The following SFSWAP variants were observed in gnomAD, a reference collection of about 807,000 sequenced individuals.
The protein encoded by SFSWAP is splicing factor SWAP.
In SFSWAP, 17 loss-of-function variants were observed where a neutral mutation model predicts 100.7. The ratio of observed to expected loss-of-function variants is 0.17; its 90% CI spans 0.12 to 0.25. The LOEUF (loss-of-function observed/expected upper bound fraction) is 0.25, where lower values mean the gene tolerates loss of function less well. Among genes scored for constraint, SFSWAP ranks in the 10% least tolerant of loss-of-function variants. The pLI, the probability that SFSWAP is intolerant of heterozygous loss-of-function variation, is 1.00. For missense variants in SFSWAP, 1,005 were observed against 1,262.6 expected (o/e 0.80, Z 3.09); for synonymous variants, 504 against 510.1 (o/e 0.99, Z 0.16).
intron 13 of SFSWAP, among the ~76,000 whole-genome samples, chr12:131,777,281 AT>A (rs1373340399): frequency 6.6e-6 from 1 of 152,066 alleles, no homozygotes; most frequent in African/African-American, 2.4e-5. Flanking sequence ...TCCTAATGCT[AT>A]CCCTCCCCGC....
Position 131,734,673 on chromosome 12 carries a change from C to A in SFSWAP, c.1081+6245C>A, listed in dbSNP as rs1879831212. Among the ~76,000 whole-genome samples, 1 of 152,226 alleles carries A rather than the reference C, an allele frequency of 6.6e-6. No homozygotes were observed. Among genetic ancestry groups the A allele is most frequent in the Non-Finnish European group, 1.5e-5 (1 of 68,042 alleles). On this transcript the variant is annotated intron_variant, in intron 7 of 17. Coordinates refer to ENST00000261674, the MANE Select transcript of SFSWAP (RefSeq NM_004592.4). This position sits in a 1 kb window ranked among gnomAD's most constrained non-coding sequence, Gnocchi z 4.9. The stretch of plus-strand genomic sequence containing the variant: ...GGGCCACGGGGCTCCCAGGAACATT[C>A]ACCGAGTAACTTCAGAAAAGTGAAG...
rs1441863628 is a variant in SFSWAP at position 131,778,219 on chromosome 12, G to A, written c.2297G>A (p.Arg766Gln). 9 of 1,613,938 alleles carry A rather than the reference G, an allele frequency of 5.6e-6. No homozygotes were observed. The highest frequency in any genetic ancestry group is 7.6e-6 in the Non-Finnish European group (9 of 1,180,014). Residue 766 changes from arginine (R) to glutamine (Q), a missense_variant, in exon 14 of 18, where the codon CGA becomes CAA. Around this residue, in one of 7 missense-constraint regions of SFSWAP, gnomAD observed 295 missense variants for 347.9 expected, o/e 0.85. Transcript: ENST00000261674. This position sits in a 1 kb window ranked among gnomAD's most constrained non-coding sequence, Gnocchi z 4.2. ...KKKKKHKKRS[R>Q]TRSRSPKYHS... ...AAGAAAAAGCACAAAAAAAGATCTC[G>A]AACAAGATCACGTTCTCCCAAGTAC...
intron 14 of SFSWAP, chr12:131,783,812 A>G (rs1884687172): frequency 7.5e-6 from 1 of 134,200 alleles, no homozygotes; most frequent in African/African-American, 2.6e-5. Flanking sequence ...ATATATATAT[A>G]TATATATATA....
intron 7 of SFSWAP, 123 bp from the exon 8 acceptor site, chr12:131,753,000 G>A (rs986862889): frequency 2.1e-6 from 3 of 1,405,156 alleles, no homozygotes; most frequent in Admixed American, 4.0e-5. Context: ...AAAACAGCAT[G>A]GTTGGAAGTG....
intron 13 of SFSWAP, among the ~76,000 whole-genome samples, chr12:131,771,337 G>A (rs1566044599): frequency 6.6e-6 from 1 of 152,158 alleles, no homozygotes; most frequent in South Asian, 2.1e-4. Flanking sequence ...CCCTGCTGTG[G>A]GAAATGTGAG....
chr12:131,783,263 A>G (rs1042997959), intron 14 of SFSWAP, among the ~76,000 whole-genome samples: 2 of 151,614 alleles, frequency 1.3e-5, no homozygotes, highest in Admixed American at 1.3e-4. Flanking sequence ...CTGGTTCTCT[A>G]TGTTAATGGA....
At chr12:131,797,479 C>A in intron 16 of SFSWAP, 119 bp downstream of exon 16, 1 of 922,660 alleles carries the variant, frequency 1.1e-6, no homozygotes, top group Non-Finnish European at 1.6e-6. Context: ...GGGGCGCCAG[C>A]CACAAAGCCA....
rs759693426 is a variant in SFSWAP at position 131,711,285 on chromosome 12, A to T, written c.56A>T (p.Glu19Val). The part of the protein sequence containing the change: ...AKPERKSGAK[E>V]EAGPGGAGGG... ...CCCGAGAGGAAAAGCGGCGCGAAGG[A>T]GGAGGCCGGGCCAGGCGGTGCCGGC... Residue 19 changes from glutamate (E) to valine (V), a missense_variant, in exon 1 of 18, where the codon GAG becomes GTG. Glu to Val is a moderately radical substitution (Grantham distance 121). Around this residue, in one of 7 missense-constraint regions of SFSWAP, gnomAD observed 237 missense variants for 337.0 expected, o/e 0.70. Transcript: ENST00000261674. This position sits in a 1 kb window ranked among gnomAD's most constrained non-coding sequence, Gnocchi z 4.9. 6.2e-7 allele frequency: 1 copy of T among 1,612,766 alleles called. No homozygotes were observed.
intron 13 of SFSWAP, among the ~76,000 whole-genome samples, chr12:131,772,123 T>G (rs1298017838): frequency 3.3e-5 from 5 of 152,190 alleles, no homozygotes; most frequent in African/African-American, 1.2e-4. Context: ...CCCGGTACAT[T>G]TCTGACCTGC....
Position 131,778,675 on chromosome 12 carries a change from G to A in SFSWAP, c.2408+345G>A, listed in dbSNP as rs772467652. On this transcript the variant is annotated intron_variant, in intron 14 of 17. Transcript: ENST00000261674. This position sits in a 1 kb window ranked among gnomAD's most constrained non-coding sequence, Gnocchi z 4.2. ...TGGGATTACAGGTGCCCACCACCAC[G>A]CCTGGCTAATTTTTGTATTTTTAGT... Among the ~76,000 whole-genome samples the A allele has an allele frequency of 2.0e-5, 3 of 151,966 alleles. No individual in the cohort carries two copies. The highest frequency in any genetic ancestry group is 1.5e-5 in the Non-Finnish European group (1 of 67,976).
Position 131,711,194 on chromosome 12 carries a change from C to T in SFSWAP, c.-36C>T. ...GAGGTATCAGGGACGTCGCGCGGCACAGAAGAGGACCAGCCTGGACGCCGG... is the reference window on the plus strand; with the variant it reads ...GAGGTATCAGGGACGTCGCGCGGCATAGAAGAGGACCAGCCTGGACGCCGG... On this transcript the variant is annotated 5_prime_UTR_variant, in exon 1 of 18. Transcript: ENST00000261674. This position sits in a 1 kb window ranked among gnomAD's most constrained non-coding sequence, Gnocchi z 4.9. 6.6e-7 allele frequency: 1 copy of T among 1,523,052 alleles called. No homozygotes were observed. The highest frequency in any genetic ancestry group is 8.8e-7 in the Non-Finnish European group (1 of 1,133,998). 94.3% of individuals were successfully genotyped at this position (1,523,052 alleles called of 1,614,324 possible).
rs1879776073 is a variant in SFSWAP, at chr12:131,734,129, T to A, written c.1081+5701T>A. On this transcript the variant is annotated intron_variant, in intron 7 of 17. Transcript: ENST00000261674. This position sits in a 1 kb window ranked among gnomAD's most constrained non-coding sequence, Gnocchi z 4.9. ...CGGAGGCTGGGGAAGCATCAGAGCC[T>A]CTGCTGTGGTGGACGCCAGGTGGCC... 6.6e-6 allele frequency among the ~76,000 whole-genome samples: 1 copy of A among 152,334 alleles called. No homozygotes were observed. Among genetic ancestry groups the A allele is most frequent in the South Asian group, 2.1e-4 (1 of 4,828 alleles).
At chr12:131,779,621 C>T (rs887848262) in intron 14 of SFSWAP, among the ~76,000 whole-genome samples, 20 of 152,104 alleles carry the variant, frequency 1.3e-4, no homozygotes, top group African/African-American at 4.6e-4. Flanking sequence ...TGACTGTGCT[C>T]ATCTAGTTTT....
rs1347517490 is a variant in SFSWAP, at chr12:131,711,499, C to T, written c.218+52C>T. On this transcript the variant is annotated intron_variant, in intron 1 of 17. Transcript: ENST00000261674. This position sits in a 1 kb window ranked among gnomAD's most constrained non-coding sequence, Gnocchi z 4.9. ...CCTTCCCTTCCCTCACCCGCTTGAT[C>T]TCGTCTGATGTTGACTTGACTGCAA... 1.4e-6 allele frequency: 2 copies of T among 1,459,848 alleles called. No individual in the cohort carries two copies. Among genetic ancestry groups the T allele is most frequent in the East Asian group, 2.3e-5 (1 of 43,980 alleles). The allele number at this position is 1,459,848 out of a possible 1,614,324, so 90.4% of individuals were successfully genotyped here. A position where few individuals can be genotyped will look rare whatever the true frequency, so the allele number is the denominator to read the frequency against.
Position 131,725,753 on chromosome 12 carries a change from C to T in SFSWAP, c.832+123C>T. 1.4e-6 allele frequency: 1 copy of T among 713,124 alleles called. No individual in the cohort carries two copies. Among genetic ancestry groups the T allele is most frequent in the Non-Finnish European group, 2.4e-6 (1 of 413,974 alleles). 44.2% of individuals were successfully genotyped at this position (713,124 alleles called of 1,614,324 possible). ...TACAGATGCATGGTTGAAAGCCAGA[C>T]TCGAATTTCTAGAATGTGTCTGAAA... On this transcript the variant is annotated intron_variant, in intron 5 of 17. Coordinates refer to ENST00000261674, the MANE Select transcript of SFSWAP (RefSeq NM_004592.4). The surrounding 1 kb of genome is among the most constrained non-coding windows in gnomAD (Gnocchi z 4.3).
Position 131,756,543 on chromosome 12 carries a change from GCGCGCCTGAAGA to G in SFSWAP, c.1623_1634del (p.Pro542_Ala545del). 6.2e-7 allele frequency: 1 copy of G among 1,614,082 alleles called. No individual in the cohort carries two copies. Among genetic ancestry groups the G allele is most frequent in the Non-Finnish European group, 8.5e-7 (1 of 1,179,990 alleles). On this transcript the variant is annotated inframe_deletion, in exon 11 of 18. Coordinates refer to ENST00000261674, the MANE Select transcript of SFSWAP (RefSeq NM_004592.4). Reference sequence around the variant, plus strand: ...AAGCCAAGTGATGCTGGGGAGGATGGCGCGCCTGAAGACGCAGCCGAGGTGGGAGCACGGGCA... The same window carrying G: ...AAGCCAAGTGATGCTGGGGAGGATGGCGCAGCCGAGGTGGGAGCACGGGCA...
At chr12:131,735,243 G>A (rs1449788253) in intron 7 of SFSWAP, among the ~76,000 whole-genome samples, 2 of 152,146 alleles carry the variant, frequency 1.3e-5, no homozygotes, top group Non-Finnish European at 2.9e-5. Context: ...ATCCCTACAC[G>A]CCCGCGCCTG....
intron 15 of SFSWAP, chr12:131,796,787 CA>C (rs925052981): frequency 7.1e-5 from 12 of 167,932 alleles, no homozygotes; most frequent in East Asian, 1.8e-4. Flanking sequence ...TCTGTTTTTT[CA>C]AAAAAAAGGA....
rs1258914653 is a variant in SFSWAP, at chr12:131,794,202, G to A, written c.2535-2976G>A. 1.3e-5 allele frequency among the ~76,000 whole-genome samples: 2 copies of A among 152,150 alleles called. No individual in the cohort carries two copies. The highest frequency in any genetic ancestry group is 2.4e-5 in the African/African-American group (1 of 41,448). ...AGGAACAAATTGAGGATCACCCTGC[G>A]TCGTGGAGGAGTCTCAGACATGCTT... On this transcript the variant is annotated intron_variant, in intron 15 of 17. Transcript: ENST00000261674. This position sits in a 1 kb window ranked among gnomAD's most constrained non-coding sequence, Gnocchi z 4.8.
Sources: gnomAD v4.1 joint callset for allele counts (sites outside exome capture counted in the v4.1 genomes callset) on GRCh38, gnomAD v4.1.1 for gene constraint, gnomAD v4.1.1 regional missense constraint, Gnocchi (gnomAD v3.1) non-coding constraint, MANE v1.5 for transcripts, NCBI Gene and HGNC (gene_info 2026-07-23, HGNC 2026-07-21) for gene names.